NTAN1: variants seen among roughly 807,000 people sequenced by gnomAD.
NTAN1 encodes protein N-terminal asparagine amidohydrolase.
A neutral mutation model predicts 41.9 loss-of-function variants in NTAN1; 32 were observed. That is an observed-to-expected ratio of 0.76 (90% confidence interval 0.58 to 1.03). The LOEUF is 1.03. Among genes scored for constraint, NTAN1 ranks in the 50% least tolerant of loss-of-function variants. The probability of loss-of-function intolerance (pLI) is 0.00; values close to 1 mark genes in which losing one functional copy is unlikely to be tolerated. For missense variants in NTAN1, 377 were observed against 377.5 expected (o/e 1.00, Z 0.01); for synonymous variants, 140 against 139.5 (o/e 1.00, Z -0.03).
chr16:15,051,168 C>G (rs962358392), intron 1 of NTAN1, among the ~76,000 whole-genome samples: 3 of 152,252 alleles, frequency 2.0e-5, no homozygotes, highest in Non-Finnish European at 4.4e-5. Flanking sequence ...ATTTTTAACA[C>G]TCATGTTCAC....
At chr16:15,038,793 T>C (rs972810095) in intron 8 of NTAN1, 106 bp from the exon 9 acceptor site, 3 of 632,504 alleles carry the variant, frequency 4.7e-6, no homozygotes, top group Non-Finnish European at 8.3e-6. Flanking sequence ...TTTATCTGCC[T>C]AAGCTTCTTA....
intron 1 of NTAN1, among the ~76,000 whole-genome samples, chr16:15,055,205 A>AC (rs1230283841): frequency 6.6e-6 from 1 of 151,898 alleles, no homozygotes; most frequent in African/African-American, 2.4e-5. Flanking sequence ...AAACCTGAGA[A>AC]CCCCCTTGCC....
At position 15,056,032 on chromosome 16, in the gene NTAN1, GGCCGCCCGCCGCCCCC is replaced by G; in HGVS notation, c.-77_-62del. 1.2e-6 allele frequency: 1 copy of G among 823,644 alleles called. No homozygotes were observed. Among genetic ancestry groups the G allele is most frequent in the Non-Finnish European group, 1.5e-6 (1 of 649,548 alleles). 51.0% of individuals were successfully genotyped at this position (823,644 alleles called of 1,614,324 possible). ...GGCGGCCCCCCGCTTTGCAGCCCCG[GGCCGCCCGCCGCCCCC>G]GCCCCTCGGGCCGCGCGTCCCGCCT... On this transcript the variant is annotated 5_prime_UTR_variant, in exon 1 of 10. Coordinates refer to ENST00000287706, the MANE Select transcript of NTAN1 (RefSeq NM_173474.4).
chr16:15,052,737 A>G (rs2044346000), intron 1 of NTAN1, among the ~76,000 whole-genome samples: 1 of 152,134 alleles, frequency 6.6e-6, no homozygotes, highest in Non-Finnish European at 1.5e-5. Flanking sequence ...TGGCAGGAGA[A>G]TCACTTGAAC....
intron 7 of NTAN1, 56 bp downstream of exon 7, chr16:15,041,012 A>G: frequency 8.3e-7 from 1 of 1,209,988 alleles, no homozygotes; most frequent in East Asian, 2.3e-5. Flanking sequence ...GCTGAATTAG[A>G]CTTTAACTGC....
intron 8 of NTAN1, 46 bp from the exon 9 acceptor site, chr16:15,038,733 CT>C: frequency 9.7e-7 from 1 of 1,029,372 alleles, no homozygotes; most frequent in Non-Finnish European, 1.5e-6. Context: ...ATGTCACCCA[CT>C]TTTCAAACCC....
chr16:15,046,426 T>C (rs1213015489), intron 4 of NTAN1, among the ~76,000 whole-genome samples: 1 of 152,108 alleles, frequency 6.6e-6, no homozygotes, highest in East Asian at 1.9e-4. Context: ...AGCAGGCCTG[T>C]GTCGTCGGCC....
chr16:15,049,490 G>A (rs1260675919), intron 1 of NTAN1, among the ~76,000 whole-genome samples: 1 of 151,622 alleles, frequency 6.6e-6, no homozygotes, highest in Admixed American at 6.6e-5. Context: ...GTGCAGTGGC[G>A]TGATCTCAGT....
chr16:15,038,864 G>A (rs1264376077), intron 8 of NTAN1, among the ~76,000 whole-genome samples, 177 bp from the exon 9 acceptor site: 1 of 152,182 alleles, frequency 6.6e-6, no homozygotes, highest in Non-Finnish European at 1.5e-5. Flanking sequence ...GTCTGCTTCT[G>A]CACACTGTGG....
At chr16:15,043,713 GC>G (rs1290007504) in intron 5 of NTAN1, among the ~76,000 whole-genome samples, 2 of 152,114 alleles carry the variant, frequency 1.3e-5, no homozygotes, top group Non-Finnish European at 2.9e-5. Flanking sequence ...ACTTTAAGAG[GC>G]CGAGGCAGGT....
At chr16:15,038,935 T>C (rs1256891446) in intron 8 of NTAN1, among the ~76,000 whole-genome samples, 1 of 152,162 alleles carries the variant, frequency 6.6e-6, no homozygotes, top group Non-Finnish European at 1.5e-5. Flanking sequence ...TTTTTCCCAT[T>C]TGGGGTGAAA....
At chr16:15,043,984 GA>G (rs1455985266) in intron 5 of NTAN1, among the ~76,000 whole-genome samples, 2 of 152,178 alleles carry the variant, frequency 1.3e-5, no homozygotes, top group African/African-American at 4.8e-5. Context: ...TGCTAATAGG[GA>G]AAAAATGGTA....
At chr16:15,038,377 A>T in intron 9 of NTAN1, 167 bp from the exon 10 acceptor site, 1 of 621,558 alleles carries the variant, frequency 1.6e-6, no homozygotes, top group Non-Finnish European at 2.8e-6. Context: ...TTACTGCTTT[A>T]CCCACACACA....
At chr16:15,050,579 A>C (rs12599007) in intron 1 of NTAN1, among the ~76,000 whole-genome samples, 16,949 of 152,062 alleles carry the variant, frequency 0.11, 1,087 homozygotes, top group East Asian at 0.24. Context: ...AAAAATTACA[A>C]AAATTAGCTG....
At chr16:15,050,283 C>A (rs569530576) in intron 1 of NTAN1, among the ~76,000 whole-genome samples, 96 of 152,312 alleles carry the variant, frequency 6.3e-4, no homozygotes, top group Middle Eastern at 6.8e-3. Context: ...TTCTTACTTG[C>A]AACAAACTCC....
chr16:15,039,969 T>C lies in NTAN1; in HGVS notation c.639A>G (p.Pro213=), dbSNP rs557066079. 5 of 1,561,904 alleles carry C rather than the reference T, an allele frequency of 3.2e-6. No homozygotes were observed. Among genetic ancestry groups the C allele is most frequent in the East Asian group, 4.5e-5 (2 of 44,554 alleles). Residue 213 remains proline, a splice_region_variant and synonymous_variant, in exon 8 of 10, where the codon CCA becomes CCG. Coordinates refer to ENST00000287706, the MANE Select transcript of NTAN1 (RefSeq NM_173474.4). ...LRAARTLAGG[P]MISIYDAETE... ...TTAACAAAGATGATTTGAAACTCAC[T>C]GGTCCTCCTGCTAAAGTTCGCGCAG... is the stretch of plus-strand genomic sequence containing the variant.
In NTAN1 at chr16:15,040,022, C is replaced by A; in HGVS notation, c.586G>T (p.Asp196Tyr). 1.2e-6 allele frequency: 2 copies of A among 1,612,372 alleles called. No homozygotes were observed. The highest frequency in any genetic ancestry group is 2.2e-5 in the South Asian group (2 of 90,996). Residue 196 changes from aspartate (D) to tyrosine (Y), a missense_variant, in exon 8 of 10, where the codon GAT becomes TAT. Coordinates refer to ENST00000287706, the MANE Select transcript of NTAN1 (RefSeq NM_173474.4). ...CGAAGCTGCTCCTCCGGACCCCGAT[C>A]TTGAAAGGATGCTCTGTAAATCTCT... ...TAEIYRASFQ[D>Y]RGPEEQLRAA...
chr16:15,044,463 G>A (rs988560794), intron 4 of NTAN1, 56 bp from the exon 5 acceptor site: 20 of 1,137,420 alleles, frequency 1.8e-5, no homozygotes, highest in Non-Finnish European at 2.7e-5. Flanking sequence ...TGCGTGCGCT[G>A]GTCTCACTTT....
chr16:15,050,958 G>C (rs1319684883), intron 1 of NTAN1, among the ~76,000 whole-genome samples: 1 of 152,232 alleles, frequency 6.6e-6, no homozygotes, highest in African/African-American at 2.4e-5. Flanking sequence ...CCAGAAGTCA[G>C]TGAGAAACAG....
Sources: allele counts gnomAD v4.1 joint callset (sites outside exome capture counted in the v4.1 genomes callset), GRCh38; gene constraint gnomAD v4.1.1; transcripts MANE v1.5; gene names NCBI Gene and HGNC (gene_info 2026-07-23, HGNC 2026-07-21).